SCRN3: variants seen among roughly 807,000 people sequenced by gnomAD.
The protein encoded by SCRN3 is secernin 3, also known as secernin-3.
A neutral mutation model predicts 43.1 loss-of-function variants in SCRN3; 39 were observed. The ratio of observed to expected loss-of-function variants is 0.91; its 90% CI spans 0.70 to 1.18. The LOEUF (loss-of-function observed/expected upper bound fraction) is 1.18, where lower values mean the gene tolerates loss of function less well. Among genes scored for constraint, SCRN3 ranks in the 50% most tolerant of loss-of-function variants. The probability of loss-of-function intolerance (pLI) is 0.00; values close to 1 mark genes in which losing one functional copy is unlikely to be tolerated. For synonymous variants in SCRN3, 147 were observed against 163.1 expected (o/e 0.90, Z 0.75); for missense variants, 484 against 498.0 (o/e 0.97, Z 0.27).
At chr2:174,406,791 G>C (rs1007703573) in intron 5 of SCRN3, among the ~76,000 whole-genome samples, 3 of 132,478 alleles carry the variant, frequency 2.3e-5, no homozygotes, top group African/African-American at 7.8e-5. Flanking sequence ...AACCAGCCTT[G>C]CATCCCAGGG....
At chr2:174,403,160 T>A (rs1483707159) in intron 4 of SCRN3, among the ~76,000 whole-genome samples, 2 of 151,962 alleles carry the variant, frequency 1.3e-5, no homozygotes, top group Non-Finnish European at 2.9e-5. Context: ...TATACAGATT[T>A]GAAATAAGCA....
intron 5 of SCRN3, among the ~76,000 whole-genome samples, chr2:174,419,883 G>C (rs1686240939): frequency 6.6e-6 from 1 of 152,092 alleles, no homozygotes; most frequent in African/African-American, 2.4e-5. Flanking sequence ...AGGAGTAACT[G>C]GTATTAGACC....
chr2:174,402,206 G>A (rs915730800), intron 4 of SCRN3, among the ~76,000 whole-genome samples: 2 of 152,132 alleles, frequency 1.3e-5, no homozygotes, highest in African/African-American at 2.4e-5. Flanking sequence ...TTTATTAAAT[G>A]TACTACGTGC....
chr2:174,428,051 G>C lies in SCRN3; in HGVS notation c.*156G>C. On this transcript the variant is annotated 3_prime_UTR_variant, in exon 8 of 8. Coordinates refer to ENST00000272732, the MANE Select transcript of SCRN3 (RefSeq NM_024583.5). ...AGTGGTATCTTGACTATTAAACTAC[G>C]TATAGTGTTGCTGAAATAGAAAGAA... The C allele has an allele frequency of 2.2e-6, 1 of 445,322 alleles. No individual in the cohort carries two copies. Among genetic ancestry groups the C allele is most frequent in the Non-Finnish European group, 4.0e-6 (1 of 247,908 alleles). 27.6% of individuals were successfully genotyped at this position (445,322 alleles called of 1,614,324 possible). A position where few individuals can be genotyped will look rare whatever the true frequency, so the allele number is the denominator to read the frequency against.
chr2:174,399,796 A>T (rs969418725), intron 2 of SCRN3, 126 bp from the exon 3 acceptor site: 21 of 566,056 alleles, frequency 3.7e-5, no homozygotes, highest in South Asian at 6.2e-5. Flanking sequence ...ATTTCAATTT[A>T]CTTATATTTC....
At chr2:174,396,775 G>A (rs1449756937) in intron 1 of SCRN3, among the ~76,000 whole-genome samples, 1 of 147,470 alleles carries the variant, frequency 6.8e-6, no homozygotes, top group Non-Finnish European at 1.5e-5. Flanking sequence ...TCCAGCCCGG[G>A]CAACAAGAGT....
rs779826089 is a variant in SCRN3, at chr2:174,401,128, TA to T, written c.481del (p.Arg161GlyfsTer32). On this transcript the variant is annotated frameshift_variant, in exon 4 of 8. Transcript: ENST00000272732. LOFTEE classifies it high-confidence loss of function. ...ATCACAACAGTTTCCTGATAGCTGA[TA>T]GGAATGAAGCCTGGATTCTGGAGAC... ...SYHNSFLIAD[R>X]NEAWILETAG... The T allele has an allele frequency of 7.4e-6, 12 of 1,613,982 alleles. No individual in the cohort carries two copies. Among genetic ancestry groups the T allele is most frequent in the Non-Finnish European group, 1.0e-5 (12 of 1,179,902 alleles).
chr2:174,416,110 G>A (rs954794558), intron 5 of SCRN3, among the ~76,000 whole-genome samples: 5 of 152,110 alleles, frequency 3.3e-5, no homozygotes, highest in African/African-American at 1.2e-4. Context: ...GCTTGGTCTG[G>A]GGTCCAGGGC....
intron 5 of SCRN3, among the ~76,000 whole-genome samples, chr2:174,419,162 G>A (rs906589834): frequency 6.6e-6 from 1 of 152,114 alleles, no homozygotes; most frequent in Admixed American, 6.5e-5. Flanking sequence ...TTGGGGGAGA[G>A]ATTCTTGCTT....
At chr2:174,418,218 A>T (rs1348721624) in intron 5 of SCRN3, among the ~76,000 whole-genome samples, 3 of 152,218 alleles carry the variant, frequency 2.0e-5, no homozygotes, top group Non-Finnish European at 2.9e-5. Context: ...TCTGACATGA[A>T]ACTTACTTTT....
chr2:174,399,899 C>CTTTTT (rs59353951), intron 2 of SCRN3, 23 bp from the exon 3 acceptor site: 13 of 1,154,866 alleles, frequency 1.1e-5, no homozygotes, highest in South Asian at 3.4e-5. Context: ...CTTGCTATGA[C>CTTTTT]TTTTTTTTTT....
chr2:174,413,538 C>G (rs1464044247), intron 5 of SCRN3, among the ~76,000 whole-genome samples: 1 of 149,280 alleles, frequency 6.7e-6, no homozygotes. Context: ...CTCTCTGACT[C>G]TCTCTTTTAT....
At chr2:174,414,576 T>C (rs1294681617) in intron 5 of SCRN3, among the ~76,000 whole-genome samples, 1 of 152,144 alleles carries the variant, frequency 6.6e-6, no homozygotes, top group African/African-American at 2.4e-5. Context: ...ATATGTAGTA[T>C]CCTATTATTT....
chr2:174,414,888 C>G (rs1218174415), intron 5 of SCRN3, among the ~76,000 whole-genome samples: 1 of 151,914 alleles, frequency 6.6e-6, no homozygotes, highest in Non-Finnish European at 1.5e-5. Context: ...CTCAGCCTCC[C>G]AAGTAGCTGG....
At position 174,404,217 on chromosome 2, in the gene SCRN3, T is replaced by G. The variant is rs746822547; in HGVS notation, c.656T>G (p.Phe219Cys). ...GGTTGGTGGGATGGTAAAAAGGAGT[T>G]TGATTTTGCTGCAGCATATTCCTAT... is the stretch of plus-strand genomic sequence containing the variant. The part of the protein sequence containing the change: ...RKGWWDGKKE[F>C]DFAAAYSYLD... The change falls in exon 5 of 8, where the codon TTT (phenylalanine) becomes TGT (cysteine). Residue 219 changes from phenylalanine (F) to cysteine (C), a missense_variant. Physicochemically the swap from Phe to Cys is radical, Grantham distance 205. Coordinates refer to ENST00000272732, the MANE Select transcript of SCRN3 (RefSeq NM_024583.5). The G allele has an allele frequency of 6.2e-7, 1 of 1,613,874 alleles. No individual in the cohort carries two copies. The highest frequency in any genetic ancestry group is 2.2e-5 in the East Asian group (1 of 44,864).
At chr2:174,414,607 A>G in intron 5 of SCRN3, among the ~76,000 whole-genome samples, 1 of 152,186 alleles carries the variant, frequency 6.6e-6, no homozygotes, top group South Asian at 2.1e-4. Flanking sequence ...TTATGGTAGT[A>G]TTTTAATCAT....
intron 4 of SCRN3, among the ~76,000 whole-genome samples, 153 bp downstream of exon 4, chr2:174,401,342 G>A (rs1236624911): frequency 2.0e-5 from 3 of 152,078 alleles, no homozygotes; most frequent in African/African-American, 7.2e-5. Flanking sequence ...AAAGAACAGT[G>A]AAAAAGTGCC....
chr2:174,409,510 G>A (rs1179188204), intron 5 of SCRN3, among the ~76,000 whole-genome samples: 66 of 147,012 alleles, frequency 4.5e-4, no homozygotes, highest in African/African-American at 1.6e-3. Context: ...GAGGAACTGC[G>A]TTCCTTTGGA....
chr2:174,398,546 GA>G lies in SCRN3; in HGVS notation c.159+105del. 5 of 973,536 alleles carry G rather than the reference GA, an allele frequency of 5.1e-6. No individual in the cohort carries two copies. In the South Asian group the frequency reaches 9.0e-5, roughly 17 times the overall value. 60.3% of individuals were successfully genotyped at this position (973,536 alleles called of 1,614,324 possible). On this transcript the variant is annotated intron_variant, in intron 2 of 7. Transcript: ENST00000272732. ...AGAAACTGTAGAAGTTAAAATTGAG[GA>G]GTTTACATTTGAAAAATAAATGAGT...
Sources: gnomAD v4.1 joint callset for allele counts (sites outside exome capture counted in the v4.1 genomes callset) on GRCh38, gnomAD v4.1.1 for gene constraint, MANE v1.5 for transcripts, NCBI Gene and HGNC (gene_info 2026-07-23, HGNC 2026-07-21) for gene names.